The following SEMA5A variants were observed in gnomAD, a reference collection of about 807,000 sequenced individuals.
The protein encoded by SEMA5A is semaphorin-5A.
Under a neutral mutation model 135.5 loss-of-function variants are expected in SEMA5A, and 55 were observed. The ratio of observed to expected loss-of-function variants is 0.41; its 90% CI spans 0.33 to 0.51. SEMA5A has a LOEUF of 0.51. SEMA5A is among the 20% of genes least tolerant of loss of function. The probability of loss-of-function intolerance (pLI) is 0.37; values close to 1 mark genes in which losing one functional copy is unlikely to be tolerated. For missense variants in SEMA5A, 1,290 were observed against 1,419.9 expected, an observed-to-expected ratio of 0.91 and a Z score of 1.47; for synonymous variants, 580 against 546.5, an observed-to-expected ratio of 1.06 and a Z score of -0.85.
chr5:9,222,058 C>G (rs1012582333), intron 8 of SEMA5A, among the ~76,000 whole-genome samples: 1 of 152,182 alleles, frequency 6.6e-6, no homozygotes, highest in Admixed American at 6.5e-5. Context: ...GGTGGCCCCC[C>G]CTGGGGCTGG....
chr5:9,205,823 G>A (rs1806065), intron 8 of SEMA5A, among the ~76,000 whole-genome samples: 2,363 of 152,232 alleles, frequency 0.016, 73 homozygotes, highest in African/African-American at 0.054. Context: ...GGATGAGGGT[G>A]GACCCCTGAC....
chr5:9,061,611 G>T (rs1737186959), intron 18 of SEMA5A, among the ~76,000 whole-genome samples: 1 of 152,192 alleles, frequency 6.6e-6, no homozygotes, highest in Non-Finnish European at 1.5e-5. Context: ...GCAGGAGAAA[G>T]GCAGAAACAG....
chr5:9,445,500 T>C (rs909657844), intron 1 of SEMA5A, among the ~76,000 whole-genome samples: 4 of 151,842 alleles, frequency 2.6e-5, no homozygotes, highest in Admixed American at 2.6e-4. Flanking sequence ...AAACCCTGTC[T>C]CTACTAAAAA....
intron 1 of SEMA5A, among the ~76,000 whole-genome samples, chr5:9,502,817 T>C (rs568357544): frequency 1.6e-4 from 24 of 151,908 alleles, no homozygotes; most frequent in East Asian, 3.9e-4. Context: ...AGGGTTCTAA[T>C]TGGGGGAAGG....
chr5:9,200,821 A>C (rs1050380321), intron 9 of SEMA5A, among the ~76,000 whole-genome samples: 2 of 152,228 alleles, frequency 1.3e-5, no homozygotes, highest in African/African-American at 4.8e-5. Context: ...ATGGGCAGGC[A>C]TCTGATGCCC....
chr5:9,166,552 C>T (rs1021934919), intron 11 of SEMA5A, among the ~76,000 whole-genome samples: 1 of 152,160 alleles, frequency 6.6e-6, no homozygotes, highest in Non-Finnish European at 1.5e-5. Flanking sequence ...CAAGTTTTGT[C>T]TAAAATCAGC....
intron 1 of SEMA5A, among the ~76,000 whole-genome samples, chr5:9,504,629 G>A (rs890487018): frequency 3.9e-5 from 6 of 152,220 alleles, no homozygotes; most frequent in Admixed American, 1.3e-4. Flanking sequence ...CAGTAGAGCT[G>A]CCCCTGAAGA....
At chr5:9,538,288 G>A (rs67748756) in intron 1 of SEMA5A, among the ~76,000 whole-genome samples, 21,793 of 151,972 alleles carry the variant, frequency 0.14, 1,642 homozygotes, top group Middle Eastern at 0.22. Context: ...GGAGGTGCGC[G>A]GGGTGGGAAA....
intron 3 of SEMA5A, among the ~76,000 whole-genome samples, chr5:9,369,726 A>G (rs1398742807): frequency 6.6e-6 from 1 of 151,444 alleles, no homozygotes; most frequent in African/African-American, 2.4e-5. Context: ...CAATTACATC[A>G]TTGTTTTGAG....
At chr5:9,434,057 C>T (rs1757947112) in intron 2 of SEMA5A, among the ~76,000 whole-genome samples, 4 of 152,186 alleles carry the variant, frequency 2.6e-5, no homozygotes, top group Admixed American at 6.5e-5. Flanking sequence ...TATGAAGTCT[C>T]CCATCACCCT....
chr5:9,529,651 T>C (rs1187089287), intron 1 of SEMA5A, among the ~76,000 whole-genome samples: 3 of 152,212 alleles, frequency 2.0e-5, no homozygotes, highest in Admixed American at 2.0e-4. Flanking sequence ...TTCCTTCACA[T>C]TATAAACTAG....
intron 1 of SEMA5A, among the ~76,000 whole-genome samples, chr5:9,542,259 C>G (rs996486305): frequency 8.5e-5 from 13 of 152,200 alleles, no homozygotes; most frequent in African/African-American, 2.9e-4. Flanking sequence ...GAATTGGAAA[C>G]AGGAGATTGC....
intron 11 of SEMA5A, among the ~76,000 whole-genome samples, chr5:9,175,357 T>C (rs1029587311): frequency 3.3e-5 from 5 of 152,094 alleles, no homozygotes; most frequent in African/African-American, 9.7e-5. Flanking sequence ...GTTAGGCACA[T>C]GTTTATGCCT....
intron 2 of SEMA5A, among the ~76,000 whole-genome samples, chr5:9,405,050 C>G (rs1756820971): frequency 6.6e-6 from 1 of 152,130 alleles, no homozygotes; most frequent in African/African-American, 2.4e-5. Flanking sequence ...GAATGTTAAG[C>G]AAGATATTCA....
At chr5:9,101,857 T>C (rs1178282820) in intron 16 of SEMA5A, among the ~76,000 whole-genome samples, 1 of 152,074 alleles carries the variant, frequency 6.6e-6, no homozygotes, top group African/African-American at 2.4e-5. Flanking sequence ...GGGCAGCAAA[T>C]AAACTTGGAA....
chr5:9,160,011 A>G (rs1743163469), intron 11 of SEMA5A, among the ~76,000 whole-genome samples: 1 of 152,022 alleles, frequency 6.6e-6, no homozygotes, highest in Non-Finnish European at 1.5e-5. Flanking sequence ...TTGAGAACAC[A>G]TGGACACAGA....
chr5:9,149,394 A>C (rs1742509750), intron 12 of SEMA5A, among the ~76,000 whole-genome samples: 1 of 152,220 alleles, frequency 6.6e-6, no homozygotes, highest in African/African-American at 2.4e-5. Flanking sequence ...CTGTAATCTC[A>C]GCAATTTGGG....
In SEMA5A at chr5:9,066,791, AT is replaced by A. The variant is rs1480148651; in HGVS notation, c.2074-146del. 19 of 653,784 alleles carry A rather than the reference AT, an allele frequency of 2.9e-5. No homozygotes were observed. In the African/African-American group the frequency reaches 3.4e-4, roughly 12 times the overall value. The allele number at this position is 653,784 out of a possible 1,614,324, so 40.5% of individuals were successfully genotyped here. ...AGCTACTCTACCAAACTAAAAACAC[AT>A]TTATGTTAAATTAGGTATTCAACAG... On this transcript the variant is annotated intron_variant, in intron 16 of 22. Transcript: ENST00000382496.
intron 1 of SEMA5A, among the ~76,000 whole-genome samples, chr5:9,539,610 C>T (rs1737967577): frequency 6.6e-6 from 1 of 152,042 alleles, no homozygotes; most frequent in African/African-American, 2.4e-5. Context: ...ATTAAGTATC[C>T]CTTACCCAAA....
Sources: gnomAD v4.1 joint callset for allele counts (sites outside exome capture counted in the v4.1 genomes callset) on GRCh38, gnomAD v4.1.1 for gene constraint, MANE v1.5 for transcripts, NCBI Gene and HGNC (gene_info 2026-07-23, HGNC 2026-07-21) for gene names.